Variants in DZIP3 observed in about 807,000 individuals in gnomAD.
The protein encoded by DZIP3 is E3 ubiquitin-protein ligase DZIP3.
DZIP3 carries 118 observed loss-of-function variants against 162.0 expected under a neutral mutation model. That is an observed-to-expected ratio of 0.73 (90% CI 0.63 to 0.85). The LOEUF is 0.85. Ranked by LOEUF, DZIP3 falls within the 40% of genes least tolerant of loss-of-function variation. The pLI is 0.00. For synonymous variants in DZIP3, 438 were observed against 458.6 expected (o/e 0.96, Z 0.57); for missense variants, 1,331 against 1,407.0 (o/e 0.95, Z 0.86).
chr3:108,654,001 A>C, intron 18 of DZIP3, 144 bp from the exon 19 acceptor site: 3 of 743,742 alleles, frequency 4.0e-6, no homozygotes, highest in East Asian at 2.7e-5. Context: ...CAGTATGAGC[A>C]CTATCCAAAC....
intron 5 of DZIP3, among the ~76,000 whole-genome samples, chr3:108,618,227 CA>C (rs369750347): frequency 1.2e-3 from 189 of 152,228 alleles, no homozygotes; most frequent in African/African-American, 4.3e-3. Context: ...CTTTAAATTC[CA>C]GAGTTTTTCC....
chr3:108,657,954 T>C (rs990714007), intron 19 of DZIP3, among the ~76,000 whole-genome samples: 5 of 152,182 alleles, frequency 3.3e-5, no homozygotes. Context: ...CCTAAATATA[T>C]ATGCACCCAA....
intron 2 of DZIP3, among the ~76,000 whole-genome samples, chr3:108,606,529 C>T (rs1430660045): frequency 6.6e-6 from 1 of 152,062 alleles, no homozygotes; most frequent in East Asian, 1.9e-4. Context: ...GATTCTGTGG[C>T]TGTCTATAGG....
At chr3:108,589,611 C>T (rs1263595251), upstream of DZIP3, 9 of 394,536 alleles carry the variant, frequency 2.3e-5, no homozygotes, top group South Asian at 2.5e-4. Context: ...GCTGCCCCCG[C>T]TAACCCACCC....
At chr3:108,601,883 T>A (rs994585570) in intron 1 of DZIP3, among the ~76,000 whole-genome samples, 2 of 152,202 alleles carry the variant, frequency 1.3e-5, no homozygotes, top group African/African-American at 4.8e-5. Flanking sequence ...CCTCCCTAGT[T>A]ATTATTTTTT....
chr3:108,601,222 A>G (rs1029178573), intron 1 of DZIP3, among the ~76,000 whole-genome samples: 1 of 152,074 alleles, frequency 6.6e-6, no homozygotes, highest in African/African-American at 2.4e-5. Context: ...ATCTGGAGAT[A>G]TCGTTGATTG....
chr3:108,609,410 G>T (rs61246241), intron 3 of DZIP3, among the ~76,000 whole-genome samples: 30,902 of 152,118 alleles, frequency 0.2, 3,720 homozygotes, highest in East Asian at 0.45. Context: ...ATCCAGAAAA[G>T]ACATTTCTAG....
intron 14 of DZIP3, 84 bp downstream of exon 14, chr3:108,644,865 A>G: frequency 1.6e-6 from 2 of 1,283,986 alleles, no homozygotes; most frequent in Non-Finnish European, 2.1e-6. Flanking sequence ...AAAGGGCAAG[A>G]GATTCAGTGA....
intron 21 of DZIP3, among the ~76,000 whole-genome samples, chr3:108,665,533 T>TGA (rs61167248): frequency 2.0e-4 from 31 of 152,020 alleles, no homozygotes; most frequent in Non-Finnish European, 4.0e-4. Context: ...GAGAGCAGAA[T>TGA]GAGAGAGAGA....
rs530521560 is a variant in DZIP3 at position 108,638,047 on chromosome 3, C to T, written c.1064+499C>T. Among the ~76,000 whole-genome samples the T allele has an allele frequency of 7.2e-5, 11 of 152,074 alleles. No homozygotes were observed. The East Asian group carries it at 9.7e-4, about 13-fold the overall frequency. The stretch of plus-strand genomic sequence containing the variant: ...TTGATTCTCTTTTTCTTCTGTTTAA[C>T]GTGTAAATGCCATTTTTCAATCTAG... On this transcript the variant is annotated intron_variant, in intron 12 of 32. Coordinates refer to ENST00000361582, the MANE Select transcript of DZIP3 (RefSeq NM_014648.4).
In DZIP3 at chr3:108,644,581, G is replaced by T. The variant is rs557395762; in HGVS notation, c.1559G>T (p.Gly520Val). The change falls in exon 14 of 33, where the codon GGT (glycine) becomes GTT (valine). Residue 520 changes from glycine (G) to valine (V), a missense_variant. Coordinates refer to ENST00000361582, the MANE Select transcript of DZIP3 (RefSeq NM_014648.4). ...CTCCTTAGTGAGATTTTGATGAATG[G>T]TCTCACTGAGTCACAGTTCAATTCA... ...DILLSEILMN[G>V]LTESQFNSIW... is the part of the protein sequence containing the mutation. 6.2e-7 allele frequency: 1 copy of T among 1,614,056 alleles called. No homozygotes were observed. Among genetic ancestry groups the T allele is most frequent in the East Asian group, 2.2e-5 (1 of 44,876 alleles).
At chr3:108,597,111 A>C (rs982429976) in intron 1 of DZIP3, among the ~76,000 whole-genome samples, 6 of 152,232 alleles carry the variant, frequency 3.9e-5, no homozygotes, top group African/African-American at 9.6e-5. Flanking sequence ...TCACAAAGCC[A>C]GAAAATCTAA....
At chr3:108,626,868 A>T (rs1048629397) in intron 7 of DZIP3, among the ~76,000 whole-genome samples, 1 of 152,346 alleles carries the variant, frequency 6.6e-6, no homozygotes, top group African/African-American at 2.4e-5. Flanking sequence ...TTTGACTAAG[A>T]TCTGAGGGAT....
At chr3:108,602,052 A>G (rs957404712) in intron 1 of DZIP3, among the ~76,000 whole-genome samples, 8 of 152,196 alleles carry the variant, frequency 5.3e-5, no homozygotes, top group African/African-American at 1.9e-4. Context: ...CCAGGCGGCC[A>G]GCAGTAGGAT....
At chr3:108,631,055 A>ACACACACACTCACTCT in intron 8 of DZIP3, among the ~76,000 whole-genome samples, 1 of 18,014 alleles carries the variant, frequency 5.6e-5, no homozygotes, top group East Asian at 2.5e-3. Context: ...ACACACACAC[A>ACACACACACTCACTCT]CTCTCTCTCT....
intron 17 of DZIP3, among the ~76,000 whole-genome samples, chr3:108,649,747 CAATG>C (rs1482485784): frequency 6.6e-6 from 1 of 151,546 alleles, no homozygotes; most frequent in Non-Finnish European, 1.5e-5. Flanking sequence ...AAACTTAAGA[CAATG>C]AAGATAAATT....
At chr3:108,671,670 G>C (rs1356134605) in intron 22 of DZIP3, among the ~76,000 whole-genome samples, 1 of 151,792 alleles carries the variant, frequency 6.6e-6, no homozygotes, top group African/African-American at 2.4e-5. Flanking sequence ...AAACCTATGT[G>C]GTTGCTATCA....
At chr3:108,636,553 A>G (rs1942154427) in intron 10 of DZIP3, 63 bp from the exon 11 acceptor site, 2 of 1,063,058 alleles carry the variant, frequency 1.9e-6, no homozygotes, top group Admixed American at 5.2e-5. Context: ...TTATTTAAAT[A>G]TAATCAGATT....
At chr3:108,673,138 A>G (rs896973691) in intron 23 of DZIP3, among the ~76,000 whole-genome samples, 4 of 151,962 alleles carry the variant, frequency 2.6e-5, no homozygotes, top group African/African-American at 9.7e-5. Context: ...AAGAAATATG[A>G]TTGTATGTGT....
Sources: allele counts gnomAD v4.1 joint callset (sites outside exome capture counted in the v4.1 genomes callset), GRCh38; gene constraint gnomAD v4.1.1; transcripts MANE v1.5; gene names NCBI Gene and HGNC (gene_info 2026-07-23, HGNC 2026-07-21).